POU6F2: variants seen among roughly 807,000 people sequenced by gnomAD.
POU6F2 encodes POU domain, class 6, transcription factor 2.
In POU6F2, 31 loss-of-function variants were observed where a neutral mutation model predicts 71.3. The observed-to-expected ratio is 0.43, with a 90% CI of 0.33 to 0.59. The LOEUF is 0.59. POU6F2 is among the 20% of genes least tolerant of loss of function. The pLI is 0.04. For synonymous variants in POU6F2, 347 were observed against 355.7 expected (o/e 0.98, Z 0.27); for missense variants, 783 against 856.8 (o/e 0.91, Z 1.07).
chr7:39,467,901 G>C lies in POU6F2; in HGVS notation c.*3215G>C, dbSNP rs1789110468. The C allele has an allele frequency of 6.6e-6, 1 of 151,966 alleles. No homozygotes were observed. 9.4% of individuals were successfully genotyped at this position (151,966 alleles called of 1,614,324 possible). A position where few individuals can be genotyped will look rare whatever the true frequency, so the allele number is the denominator to read the frequency against. On this transcript the variant is annotated 3_prime_UTR_variant, in exon 10 of 10. Transcript: ENST00000518318. Reference sequence around the variant, plus strand: ...TTTGTAGGTATATGCACATTGTATAGATATGGCTAAATGTTGCTGACAATC... The same window carrying C: ...TTTGTAGGTATATGCACATTGTATACATATGGCTAAATGTTGCTGACAATC...
chr7:39,067,874 C>T (rs1458735512), intron 1 of POU6F2, among the ~76,000 whole-genome samples: 1 of 152,102 alleles, frequency 6.6e-6, no homozygotes, highest in Non-Finnish European at 1.5e-5. Context: ...TAAAATGCCA[C>T]TTTCCATCTA....
intron 1 of POU6F2, among the ~76,000 whole-genome samples, chr7:38,991,105 A>C (rs2116624519): frequency 6.6e-6 from 1 of 152,280 alleles, no homozygotes; most frequent in South Asian, 2.1e-4. Context: ...TCAGCACATT[A>C]ACTTGATACC....
intron 1 of POU6F2, among the ~76,000 whole-genome samples, chr7:39,054,616 G>A (rs996446052): frequency 2.6e-5 from 4 of 151,994 alleles, no homozygotes; most frequent in South Asian, 2.1e-4. Context: ...AATATTAAGA[G>A]GAAGGAGTTA....
At chr7:39,445,742 G>C (rs908904061) in intron 7 of POU6F2, among the ~76,000 whole-genome samples, 1 of 152,138 alleles carries the variant, frequency 6.6e-6, no homozygotes, top group African/African-American at 2.4e-5. Context: ...TTGTGCTCTT[G>C]TCCTGTCCAC....
intron 4 of POU6F2, among the ~76,000 whole-genome samples, chr7:39,241,228 G>A (rs1783720994): frequency 6.6e-6 from 1 of 152,052 alleles, no homozygotes; most frequent in Admixed American, 6.6e-5. Context: ...ACAAAATCAA[G>A]GTTTTCTTAG....
At chr7:39,096,728 A>G (rs1257287159) in intron 2 of POU6F2, among the ~76,000 whole-genome samples, 1 of 149,072 alleles carries the variant, frequency 6.7e-6, no homozygotes, top group Non-Finnish European at 1.5e-5. Context: ...TTTATTTGGT[A>G]ATACACTTTT....
At position 39,118,472 on chromosome 7, in the gene POU6F2, CCA is replaced by C. The variant is rs1191606885; in HGVS notation, c.277+32444_277+32445del. Among the ~76,000 whole-genome samples, 9 of 151,848 alleles carry C rather than the reference CCA, an allele frequency of 5.9e-5. No homozygotes were observed. The South Asian group carries it at 1.5e-3, about 25-fold the overall frequency. ...ACAATTGTGCAGCAGGAAAAGGATG[CCA>C]CAGAGAAGAGACAAAGACCAAGAAA... On this transcript the variant is annotated intron_variant, in intron 2 of 9. Transcript: ENST00000518318.
chr7:39,319,488 A>G (rs1207956729), intron 4 of POU6F2, among the ~76,000 whole-genome samples: 1 of 152,038 alleles, frequency 6.6e-6, no homozygotes, highest in African/African-American at 2.4e-5. Flanking sequence ...GTGATGCCCT[A>G]CCTCTAAATT....
chr7:39,108,512 G>A (rs1791738970), intron 2 of POU6F2, among the ~76,000 whole-genome samples: 1 of 152,156 alleles, frequency 6.6e-6, no homozygotes, highest in Non-Finnish European at 1.5e-5. Context: ...TGGCCCAGGG[G>A]AGGCTCTGGG....
intron 1 of POU6F2, among the ~76,000 whole-genome samples, chr7:39,020,011 G>A (rs1306073962): frequency 3.3e-5 from 5 of 152,084 alleles, no homozygotes; most frequent in African/African-American, 9.7e-5. Flanking sequence ...ATTAAATGCA[G>A]CCATCATGGA....
chr7:39,290,191 C>T (rs925548243), intron 4 of POU6F2, among the ~76,000 whole-genome samples: 1 of 152,202 alleles, frequency 6.6e-6, no homozygotes, highest in African/African-American at 2.4e-5. Context: ...CATCCTCTTT[C>T]ATATTAGTCC....
chr7:39,324,928 C>T lies in POU6F2; in HGVS notation c.599-14714C>T, dbSNP rs116233252. On this transcript the variant is annotated intron_variant, in intron 4 of 9. Coordinates refer to ENST00000518318, the MANE Select transcript of POU6F2 (RefSeq NM_001370959.1). The stretch of plus-strand genomic sequence containing the variant: ...CATATGAAAGCCTTTAAAATGAATG[C>T]GTGAATTGAATGACTAATTTGCACA... Among the ~76,000 whole-genome samples, 1,413 of 152,174 alleles carry T rather than the reference C, an allele frequency of 9.3e-3. 29 individuals are homozygous for T. The highest frequency in any genetic ancestry group is 0.032 in the African/African-American group (1,335 of 41,524).
chr7:39,037,687 G>A (rs900120564), intron 1 of POU6F2, among the ~76,000 whole-genome samples: 3 of 151,878 alleles, frequency 2.0e-5, no homozygotes, highest in African/African-American at 7.3e-5. Flanking sequence ...CCCTGTCCAC[G>A]TTTCCAGTAC....
chr7:39,351,895 G>A, intron 5 of POU6F2, among the ~76,000 whole-genome samples: 1 of 152,208 alleles, frequency 6.6e-6, no homozygotes, highest in South Asian at 2.1e-4. Context: ...TCTGCCTCTT[G>A]TTAGTCTTTT....
intron 1 of POU6F2, among the ~76,000 whole-genome samples, chr7:38,983,711 C>T (rs763889752): frequency 6.6e-6 from 1 of 152,080 alleles, no homozygotes; most frequent in South Asian, 2.1e-4. Context: ...TGGAAAAATT[C>T]CTTCCTGGTT....
chr7:39,267,211 G>A (rs2128755857), intron 4 of POU6F2, among the ~76,000 whole-genome samples: 1 of 152,254 alleles, frequency 6.6e-6, no homozygotes, highest in East Asian at 1.9e-4. Flanking sequence ...CTGTGGAATA[G>A]GAAAGAGAAC....
At chr7:39,127,449 G>A (rs1311964876) in intron 2 of POU6F2, among the ~76,000 whole-genome samples, 2 of 152,090 alleles carry the variant, frequency 1.3e-5, no homozygotes, top group East Asian at 3.8e-4. Context: ...TAAAGAATGG[G>A]GACCATGTAT....
intron 2 of POU6F2, among the ~76,000 whole-genome samples, chr7:39,095,997 A>G (rs560974844): frequency 6.6e-6 from 1 of 152,096 alleles, no homozygotes; most frequent in East Asian, 1.9e-4. Flanking sequence ...TTGCTCTTTC[A>G]TTTTCTCTGG....
chr7:39,082,920 C>A (rs1312955329), intron 1 of POU6F2, among the ~76,000 whole-genome samples: 2 of 151,730 alleles, frequency 1.3e-5, no homozygotes, highest in South Asian at 2.1e-4. Flanking sequence ...ACTTGAATGA[C>A]AAACTCTTGG....
Sources: allele counts gnomAD v4.1 joint callset (sites outside exome capture counted in the v4.1 genomes callset), GRCh38; gene constraint gnomAD v4.1.1; transcripts MANE v1.5; gene names NCBI Gene and HGNC (gene_info 2026-07-23, HGNC 2026-07-21).